APBB2: variants seen among roughly 807,000 people sequenced by gnomAD.
APBB2 encodes amyloid beta precursor protein binding family B member 2, also known as Fe65-like 1.
Under a neutral mutation model 82.5 loss-of-function variants are expected in APBB2, and 38 were observed. The observed-to-expected ratio is 0.46, with a 90% CI of 0.36 to 0.60. The LOEUF is 0.60. APBB2 is among the 20% of genes least tolerant of loss of function. The pLI is 0.00. For missense variants in APBB2, 772 were observed against 972.3 expected, an observed-to-expected ratio of 0.79 and a Z score of 2.74; for synonymous variants, 341 against 368.2, an observed-to-expected ratio of 0.93 and a Z score of 0.85.
At chr4:40,887,990 A>G (rs1173971282) in intron 12 of APBB2, among the ~76,000 whole-genome samples, 1 of 152,200 alleles carries the variant, frequency 6.6e-6, no homozygotes, top group Non-Finnish European at 1.5e-5. Flanking sequence ...TAGGGTCTGG[A>G]ACAGCCGCTC....
At chr4:40,918,584 G>A (rs974474849) in intron 10 of APBB2, among the ~76,000 whole-genome samples, 2 of 152,104 alleles carry the variant, frequency 1.3e-5, no homozygotes, top group South Asian at 2.1e-4. Flanking sequence ...ATAACAACAC[G>A]AACACTGGGG....
At chr4:41,142,933 CT>C (rs1393752078) in intron 2 of APBB2, 53 bp downstream of exon 2, 1 of 152,238 alleles carries the variant, frequency 6.6e-6, no homozygotes, top group African/African-American at 2.4e-5. Flanking sequence ...AACAAAACAA[CT>C]TTTCCCTATC....
At chr4:40,880,053 G>T in intron 12 of APBB2, 1 of 985,366 alleles carries the variant, frequency 1.0e-6, no homozygotes, top group Non-Finnish European at 1.2e-6. Context: ...CACTGGGAGC[G>T]ATGGCACTTA....
intron 4 of APBB2, among the ~76,000 whole-genome samples, chr4:41,043,944 C>A (rs1722450185): frequency 1.3e-5 from 2 of 152,136 alleles, no homozygotes; most frequent in African/African-American, 4.8e-5. Flanking sequence ...GAATTGCCTG[C>A]AAATTGGAGC....
intron 2 of APBB2, among the ~76,000 whole-genome samples, chr4:41,125,795 A>C (rs543896032): frequency 6.6e-6 from 1 of 152,326 alleles, no homozygotes; most frequent in Non-Finnish European, 1.5e-5. Flanking sequence ...ATTAAGCTTC[A>C]CTTAAATTCC....
chr4:41,016,668 A>T (rs1810047323), intron 5 of APBB2, among the ~76,000 whole-genome samples: 1 of 151,972 alleles, frequency 6.6e-6, no homozygotes, highest in Admixed American at 6.6e-5. Flanking sequence ...CAAAAAAGAA[A>T]AAAAAAGACT....
intron 6 of APBB2, among the ~76,000 whole-genome samples, chr4:41,004,215 G>A (rs562816794): frequency 3.9e-5 from 6 of 152,186 alleles, no homozygotes; most frequent in Admixed American, 6.5e-5. Context: ...CACTGCGCCC[G>A]GCCACAAATT....
chr4:40,846,277 G>A (rs987633963), intron 12 of APBB2, among the ~76,000 whole-genome samples: 1 of 129,748 alleles, frequency 7.7e-6, no homozygotes. Flanking sequence ...GAGGAGAAAG[G>A]AAAGGTTCCT....
chr4:40,877,527 A>G (rs540754741), intron 12 of APBB2, among the ~76,000 whole-genome samples: 50 of 152,298 alleles, frequency 3.3e-4, no homozygotes, highest in Admixed American at 2.7e-3. Flanking sequence ...TTCAATCTGA[A>G]CTAAATCTCT....
chr4:40,879,705 T>G (rs1259400924), intron 12 of APBB2, among the ~76,000 whole-genome samples: 2 of 152,000 alleles, frequency 1.3e-5, no homozygotes, highest in Non-Finnish European at 2.9e-5. Context: ...TCTTTTTTTT[T>G]TTTTGAGATG....
At chr4:40,939,618 A>C (rs1786321056) in intron 7 of APBB2, among the ~76,000 whole-genome samples, 1 of 151,906 alleles carries the variant, frequency 6.6e-6, no homozygotes, top group Admixed American at 6.6e-5. Context: ...CTTTCTTTTT[A>C]AGACAGGGCC....
At chr4:40,902,692 T>C (rs937313067) in intron 10 of APBB2, among the ~76,000 whole-genome samples, 4 of 152,116 alleles carry the variant, frequency 2.6e-5, no homozygotes, top group Middle Eastern at 3.2e-3. Context: ...TACCACACCC[T>C]GCTAGTTTTT....
intron 3 of APBB2, among the ~76,000 whole-genome samples, chr4:41,066,000 T>C (rs1731653328): frequency 6.6e-6 from 1 of 152,162 alleles, no homozygotes; most frequent in Non-Finnish European, 1.5e-5. Flanking sequence ...GCTTTTCTAT[T>C]CTTCCTTAAC....
intron 1 of APBB2, among the ~76,000 whole-genome samples, chr4:41,155,577 A>G (rs765935983): frequency 6.6e-6 from 1 of 152,248 alleles, no homozygotes; most frequent in Non-Finnish European, 1.5e-5. Flanking sequence ...AGGAGGACGA[A>G]TAAGAGAGAA....
chr4:41,087,838 T>C (rs1740335025), intron 3 of APBB2, among the ~76,000 whole-genome samples: 5 of 152,176 alleles, frequency 3.3e-5, no homozygotes, highest in African/African-American at 1.2e-4. Context: ...ATCATAATCA[T>C]CAGAAAACAA....
chr4:40,989,530 C>A (rs879489059), intron 6 of APBB2, among the ~76,000 whole-genome samples: 5,106 of 117,960 alleles, frequency 0.043, 125 homozygotes, highest in Middle Eastern at 0.1. Flanking sequence ...GGAGAAACTA[C>A]ATTTTTTTTT....
intron 1 of APBB2, among the ~76,000 whole-genome samples, chr4:41,166,603 A>C (rs1766706139): frequency 6.6e-6 from 1 of 150,792 alleles, no homozygotes; most frequent in Admixed American, 6.6e-5. Flanking sequence ...AAAAGAAAAG[A>C]AAAGCCGGGT....
At chr4:41,123,171 A>G (rs1312669993) in intron 2 of APBB2, among the ~76,000 whole-genome samples, 1 of 151,522 alleles carries the variant, frequency 6.6e-6, no homozygotes, top group Non-Finnish European at 1.5e-5. Flanking sequence ...CTTACGATCC[A>G]TCTCCTCCTA....
chr4:41,163,960 T>C (rs769280619), intron 1 of APBB2, among the ~76,000 whole-genome samples: 21 of 152,092 alleles, frequency 1.4e-4, no homozygotes, highest in Non-Finnish European at 2.8e-4. Context: ...GGAACATAGA[T>C]GGAAGGAAAT....
Sources: gnomAD v4.1 joint callset for allele counts (sites outside exome capture counted in the v4.1 genomes callset) on GRCh38, gnomAD v4.1.1 for gene constraint, MANE v1.5 for transcripts, NCBI Gene and HGNC (gene_info 2026-07-23, HGNC 2026-07-21) for gene names.